PLEKHG6: variants seen among roughly 807,000 people sequenced by gnomAD.
PLEKHG6 encodes the protein pleckstrin homology and RhoGEF domain containing G6.
PLEKHG6 carries 91 observed loss-of-function variants against 97.5 expected under a neutral mutation model. That is an observed-to-expected ratio of 0.93 (90% CI 0.79 to 1.11). The LOEUF (loss-of-function observed/expected upper bound fraction) is 1.11. Among genes scored for constraint, PLEKHG6 ranks in the 50% most tolerant of loss-of-function variants. The probability of loss-of-function intolerance (pLI) is 0.00; values close to 1 mark genes in which losing one functional copy is unlikely to be tolerated. For synonymous variants in PLEKHG6, 466 were observed against 425.5 expected (o/e 1.10, Z -1.17); for missense variants, 1,044 against 1,031.0 (o/e 1.01, Z -0.17).
At chr12:6,311,519 G>A (rs1337582610) in intron 1 of PLEKHG6, among the ~76,000 whole-genome samples, 2 of 152,164 alleles carry the variant, frequency 1.3e-5, no homozygotes, top group Non-Finnish European at 2.9e-5. Flanking sequence ...GCAGTCACAG[G>A]TTATTAGGAG....
At position 6,318,272 on chromosome 12, in the gene PLEKHG6, C is replaced by T. The variant is rs767485407; in HGVS notation, c.1156-29C>T. ...GGAAGTCCAGGCAGACTGCCGAGCG[C>T]CCTGACCCCTCCCCTCTGTGTCCCT... On this transcript the variant is annotated intron_variant, in intron 10 of 15. Transcript: ENST00000684764. The T allele has an allele frequency of 5.0e-6, 8 of 1,613,208 alleles. No individual in the cohort carries two copies. In the African/African-American group the frequency reaches 9.3e-5, roughly 19 times the overall value.
At chr12:6,319,413 A>C in intron 13 of PLEKHG6, 1 of 942,264 alleles carries the variant, frequency 1.1e-6, no homozygotes, top group Non-Finnish European at 1.5e-6. Context: ...GTGCCACTGC[A>C]CTCTAGCCTG....
chr12:6,315,495 C>A lies in PLEKHG6; in HGVS notation c.460-59C>A. 8.9e-7 allele frequency: 1 copy of A among 1,126,132 alleles called. No individual in the cohort carries two copies. The highest frequency in any genetic ancestry group is 1.3e-6 in the Non-Finnish European group (1 of 776,308). The allele number at this position is 1,126,132 out of a possible 1,614,324, so 69.8% of individuals were successfully genotyped here. The stretch of plus-strand genomic sequence containing the variant: ...AAGTGGATCCGGTCGCACTTAACAG[C>A]TGGTACTTGCCATTCTAATTATCAT... On this transcript the variant is annotated intron_variant, in intron 4 of 15. Transcript: ENST00000684764. This position sits in a 1 kb window ranked among gnomAD's most constrained non-coding sequence, Gnocchi z 4.5.
chr12:6,313,594 A>G (rs1947347551), intron 2 of PLEKHG6, 35 bp from the exon 3 acceptor site: 1 of 1,610,714 alleles, frequency 6.2e-7, no homozygotes, highest in Non-Finnish European at 8.5e-7. Context: ...GGGGAAAGGG[A>G]GGCACCCCCA....
At chr12:6,319,206 G>A (rs1297016470) in intron 13 of PLEKHG6, 98 bp downstream of exon 13, 9 of 784,304 alleles carry the variant, frequency 1.1e-5, no homozygotes, top group East Asian at 8.1e-5. Flanking sequence ...TCAGCACTTT[G>A]GGAGGCTGAG....
In PLEKHG6 at chr12:6,327,492, G is replaced by T. The variant is rs140456993; in HGVS notation, c.1909G>T (p.Asp637Tyr). 2 of 324,598 alleles carry T rather than the reference G, an allele frequency of 6.2e-6. No individual in the cohort carries two copies. Among genetic ancestry groups the T allele is most frequent in the African/African-American group, 3.6e-5 (1 of 27,528 alleles). The allele number at this position is 324,598 out of a possible 1,614,324, so 20.1% of individuals were successfully genotyped here. A position where few individuals can be genotyped will look rare whatever the true frequency, so the allele number is the denominator to read the frequency against. ...RDIPLRPHPP[D>Y]PQAPQRRSAP... Reference sequence around the variant, plus strand: ...CATCCCTCTGCGTCCCCACCCTCCCGACCCCCAAGCTCCTCAACGCCGAAG... The same window carrying T: ...CATCCCTCTGCGTCCCCACCCTCCCTACCCCCAAGCTCCTCAACGCCGAAG... Residue 637 changes from aspartate to tyrosine, a missense_variant, in exon 15 of 16, where the codon GAC (aspartate) becomes TAC (tyrosine). Physicochemically the swap from Asp to Tyr is radical, Grantham distance 160. Transcript: ENST00000684764.
rs1947860536 is a variant in PLEKHG6 at position 6,326,500 on chromosome 12, CAG to C, written c.1598_1599del (p.Gln533ArgfsTer27). Reference protein sequence around the residue: ...KRELLTLYRDQDRESPSTRPS... With the variant: ...KRELLTLYRDXDRESPSTRPS... ...GGAGCTCCTGACCCTCTATCGGGAC[CAG>C]GACAGGGAGTCCCCCAGCACCAGGC... On this transcript the variant is annotated frameshift_variant, in exon 14 of 16. Coordinates refer to ENST00000684764, the MANE Select transcript of PLEKHG6 (RefSeq NM_001384598.1). LOFTEE classifies it high-confidence loss of function. The C allele has an allele frequency of 6.2e-7, 1 of 1,606,332 alleles. No homozygotes were observed. The highest frequency in any genetic ancestry group is 8.5e-7 in the Non-Finnish European group (1 of 1,177,162).
chr12:6,324,097 T>C (rs573373528), intron 13 of PLEKHG6, among the ~76,000 whole-genome samples: 1 of 152,202 alleles, frequency 6.6e-6, no homozygotes, highest in South Asian at 2.1e-4. Flanking sequence ...GGGGTCACAT[T>C]CTGGCTTAAG....
chr12:6,322,761 G>A (rs1947742697), intron 13 of PLEKHG6, among the ~76,000 whole-genome samples: 2 of 152,100 alleles, frequency 1.3e-5, no homozygotes, highest in South Asian at 4.1e-4. Context: ...CATGCCTGTA[G>A]TCCCAGCTAC....
rs542047820 is a variant in PLEKHG6, at chr12:6,315,336, C to A, written c.459+167C>A. ...CAGCTCTGCCACTTACTAGTCAGACCTTGGTCAAGACAGTAAAGTTCTCTG... is the reference window on the plus strand; with the variant it reads ...CAGCTCTGCCACTTACTAGTCAGACATTGGTCAAGACAGTAAAGTTCTCTG... On this transcript the variant is annotated intron_variant, in intron 4 of 15. Transcript: ENST00000684764. The surrounding 1 kb of genome is among the most constrained non-coding windows in gnomAD (Gnocchi z 4.5). Among the ~76,000 whole-genome samples, 1 of 152,196 alleles carries A rather than the reference C, an allele frequency of 6.6e-6. No homozygotes were observed. Among genetic ancestry groups the A allele is most frequent in the Admixed American group, 6.5e-5 (1 of 15,280 alleles).
intron 1 of PLEKHG6, among the ~76,000 whole-genome samples, chr12:6,311,313 A>G (rs1224533788): frequency 6.6e-6 from 1 of 152,158 alleles, no homozygotes; most frequent in Non-Finnish European, 1.5e-5. Flanking sequence ...AGGACCAAAT[A>G]TATAGCCCGA....
In PLEKHG6 at chr12:6,317,326, T is replaced by C. The variant is rs1301558975; in HGVS notation, c.780T>C (p.Tyr260=). Residue 260 remains tyrosine (Y), a synonymous_variant, in exon 8 of 16, where the codon TAT becomes TAC. Transcript: ENST00000684764. ...AGTTTGGCCAGCGGTTCCACCCCTA[T>C]GTCCAGTACTGCCTCCGAGTGAAGC... ...FLTFGQRFHP[Y]VQYCLRVKQT... is the part of the protein sequence containing the mutation. The C allele has an allele frequency of 6.2e-7, 1 of 1,613,922 alleles. No individual in the cohort carries two copies. The highest frequency in any genetic ancestry group is 8.5e-7 in the Non-Finnish European group (1 of 1,179,860).
intron 2 of PLEKHG6, chr12:6,312,868 G>A (rs1031376103): frequency 2.3e-6 from 3 of 1,330,384 alleles, no homozygotes; most frequent in African/African-American, 2.9e-5. Flanking sequence ...ACCAAGCAGA[G>A]GGGTGTGGAA....
chr12:6,320,265 G>A (rs1270254404), intron 13 of PLEKHG6, among the ~76,000 whole-genome samples: 3 of 152,182 alleles, frequency 2.0e-5, no homozygotes, highest in Non-Finnish European at 4.4e-5. Context: ...GATGTGAGCA[G>A]ATAAAAAGCA....
chr12:6,320,242 C>CG (rs1170789269), intron 13 of PLEKHG6, among the ~76,000 whole-genome samples: 1 of 152,012 alleles, frequency 6.6e-6, no homozygotes, highest in Non-Finnish European at 1.5e-5. Flanking sequence ...GTGAAGGAGT[C>CG]GGGCAGGGGA....
chr12:6,312,572 A>G (rs1947311195), intron 2 of PLEKHG6: 2 of 1,232,338 alleles, frequency 1.6e-6, no homozygotes, highest in Non-Finnish European at 2.1e-6. Context: ...GCTGGGCAGG[A>G]GAGGCGGAGC....
intron 13 of PLEKHG6, among the ~76,000 whole-genome samples, chr12:6,323,524 A>G (rs1474821612): frequency 1.3e-5 from 2 of 152,262 alleles, no homozygotes; most frequent in Non-Finnish European, 2.9e-5. Context: ...TAGAGAAAGT[A>G]AGCTTCTCCA....
intron 13 of PLEKHG6, among the ~76,000 whole-genome samples, chr12:6,322,380 AGAG>A (rs1947731709): frequency 2.0e-5 from 3 of 152,204 alleles, no homozygotes; most frequent in Admixed American, 2.0e-4. Context: ...TTCAAGTGAA[AGAG>A]GAGGACAAAA....
In PLEKHG6 at chr12:6,318,852, C is replaced by G; in HGVS notation, c.1383C>G (p.Leu461=). 1 of 1,614,206 alleles carries G rather than the reference C, an allele frequency of 6.2e-7. No individual in the cohort carries two copies. The highest frequency in any genetic ancestry group is 8.5e-7 in the Non-Finnish European group (1 of 1,180,032). Residue 461 remains leucine, a synonymous_variant, in exon 12 of 16, where the codon CTC becomes CTG. Coordinates refer to ENST00000684764, the MANE Select transcript of PLEKHG6 (RefSeq NM_001384598.1). The part of the protein sequence containing the change: ...VIRPPLMLEK[L]VCQPLRDPNS... The stretch of plus-strand genomic sequence containing the variant: ...GACCCCCTCTCATGCTGGAGAAGCT[C>G]GTGTGCCAACCCCTGCGAGACCCCA...
Sources: allele counts gnomAD v4.1 joint callset (sites outside exome capture counted in the v4.1 genomes callset), GRCh38; gene constraint gnomAD v4.1.1; non-coding constraint Gnocchi (gnomAD v3.1); transcripts MANE v1.5; gene names NCBI Gene and HGNC (gene_info 2026-07-23, HGNC 2026-07-21).